Variants in SDK2 observed in about 807,000 individuals in gnomAD.
SDK2 encodes the protein protein sidekick-2.
In SDK2, 105 loss-of-function variants were observed where a neutral mutation model predicts 253.9. That is an observed-to-expected ratio of 0.41 (90% confidence interval 0.35 to 0.49). The LOEUF (loss-of-function observed/expected upper bound fraction) is 0.49. SDK2 is among the 20% of genes least tolerant of loss of function. The probability of loss-of-function intolerance (pLI) is 0.06; values close to 1 mark genes in which losing one functional copy is unlikely to be tolerated. For missense variants in SDK2, 2,608 were observed against 3,003.0 expected (o/e 0.87, Z 3.07); for synonymous variants, 1,249 against 1,234.9 (o/e 1.01, Z -0.24).
intron 6 of SDK2, among the ~76,000 whole-genome samples, 199 bp downstream of exon 6, chr17:73,440,613 T>A (rs2063407802): frequency 1.3e-5 from 2 of 152,082 alleles, no homozygotes; most frequent in Admixed American, 1.3e-4. Flanking sequence ...GGTTTTCTCT[T>A]CTTGGGCTAC....
At chr17:73,501,297 T>C (rs1025661886) in intron 2 of SDK2, among the ~76,000 whole-genome samples, 8 of 149,648 alleles carry the variant, frequency 5.3e-5, no homozygotes, top group African/African-American at 7.5e-5. Flanking sequence ...TACATTAGAC[T>C]CTGTATATCC....
Position 73,347,730 on chromosome 17 carries a change from G to A in SDK2, c.6165+869C>T, listed in dbSNP as rs74872965. Among the ~76,000 whole-genome samples the A allele has an allele frequency of 4.4e-3, 674 of 152,196 alleles. 9 individuals carry two copies. The highest frequency in any genetic ancestry group is 0.015 in the African/African-American group (636 of 41,510). ...ACCACTGGGCTTGGCTGAGGCAGAG[G>A]GTGAGGGTGGGAAGCTGTAAGGCTG... On this transcript the variant is annotated intron_variant, in intron 44 of 44. Transcript: ENST00000392650.
At chr17:73,533,892 T>C (rs923973031) in intron 1 of SDK2, among the ~76,000 whole-genome samples, 4 of 152,186 alleles carry the variant, frequency 2.6e-5, no homozygotes, top group African/African-American at 9.7e-5. Flanking sequence ...CTGTTGTGAT[T>C]GTTTACACTC....
At chr17:73,517,523 C>G (rs905770191) in intron 1 of SDK2, 2 of 152,214 alleles carry the variant, frequency 1.3e-5, no homozygotes, top group African/African-American at 4.8e-5. Flanking sequence ...CTGGGAGCCA[C>G]CAGGCAGGCC....
At chr17:73,462,614 G>T (rs1016618721) in intron 3 of SDK2, among the ~76,000 whole-genome samples, 4 of 152,108 alleles carry the variant, frequency 2.6e-5, no homozygotes, top group African/African-American at 9.7e-5. Context: ...ATATGTGCCT[G>T]TATGGTGGGA....
chr17:73,595,151 G>A (rs1338666330), intron 1 of SDK2, among the ~76,000 whole-genome samples: 1 of 152,208 alleles, frequency 6.6e-6, no homozygotes, highest in African/African-American at 2.4e-5. Flanking sequence ...AATAAGTGAA[G>A]CCATGAGCCA....
chr17:73,493,268 T>C (rs144719351), intron 2 of SDK2, among the ~76,000 whole-genome samples: 1 of 152,352 alleles, frequency 6.6e-6, no homozygotes, highest in Non-Finnish European at 1.5e-5. Context: ...ATGTTAAATT[T>C]CCTTGTGGTG....
At chr17:73,484,846 A>C (rs2063760153) in intron 2 of SDK2, among the ~76,000 whole-genome samples, 1 of 152,098 alleles carries the variant, frequency 6.6e-6, no homozygotes. Flanking sequence ...TAGAGATGGG[A>C]TCTCACTATG....
chr17:73,355,960 C>G (rs1041846991), intron 40 of SDK2, among the ~76,000 whole-genome samples: 2 of 152,200 alleles, frequency 1.3e-5, no homozygotes, highest in Non-Finnish European at 2.9e-5. Context: ...ACGGTGACAA[C>G]AGCTGGCACT....
chr17:73,419,904 CAT>C (rs2063215662), intron 15 of SDK2, among the ~76,000 whole-genome samples: 1 of 150,826 alleles, frequency 6.6e-6, no homozygotes, highest in South Asian at 2.1e-4. Context: ...AATTAATGTA[CAT>C]GTTTTTGGTG....
chr17:73,599,875 T>G (rs1394286531), intron 1 of SDK2, among the ~76,000 whole-genome samples: 2 of 152,186 alleles, frequency 1.3e-5, no homozygotes, highest in African/African-American at 4.8e-5. Context: ...GGGGGGTCCT[T>G]CAGTGAAGGT....
rs986805486 is a variant in SDK2, at chr17:73,617,396, G to A, written c.64+26629C>T. Reference sequence around the variant, plus strand: ...AGTCAATGCTTCTCTTTCTAGGATGGTTTGAATGCAGTTTTGCTCTAAGGC... The same window carrying A: ...AGTCAATGCTTCTCTTTCTAGGATGATTTGAATGCAGTTTTGCTCTAAGGC... On this transcript the variant is annotated intron_variant, in intron 1 of 44. Transcript: ENST00000392650. Among the ~76,000 whole-genome samples, 8 of 152,032 alleles carry A rather than the reference G, an allele frequency of 5.3e-5. 1 individual carries two copies. The highest frequency in any genetic ancestry group is 2.6e-4 in the Admixed American group (4 of 15,280).
Position 73,447,237 on chromosome 17 carries a change from A to C in SDK2, c.613+378T>G, listed in dbSNP as rs1276078059. On this transcript the variant is annotated intron_variant, in intron 5 of 44. Transcript: ENST00000392650. This position sits in a 1 kb window ranked among gnomAD's most constrained non-coding sequence, Gnocchi z 4.0. ...CTGTAAAAACAAGCTTCAGCCCTGC[A>C]ATCACCCACATGCCCTCCTGGTCAG... Among the ~76,000 whole-genome samples, 2 of 152,074 alleles carry C rather than the reference A, an allele frequency of 1.3e-5. No individual in the cohort carries two copies. Among genetic ancestry groups the C allele is most frequent in the South Asian group, 2.1e-4 (1 of 4,828 alleles).
At chr17:73,590,256 C>G (rs149228091) in intron 1 of SDK2, among the ~76,000 whole-genome samples, 3 of 152,232 alleles carry the variant, frequency 2.0e-5, no homozygotes, top group African/African-American at 7.2e-5. Context: ...GAATCTGTTA[C>G]TGTAATCCAG....
Position 73,361,541 on chromosome 17 carries a change from T to G in SDK2, c.5467+143A>C. 3 of 739,270 alleles carry G rather than the reference T, an allele frequency of 4.1e-6. No individual in the cohort carries two copies. Among genetic ancestry groups the G allele is most frequent in the South Asian group, 4.8e-5 (2 of 41,946 alleles). The allele number at this position is 739,270 out of a possible 1,614,324, so 45.8% of individuals were successfully genotyped here. ...CGGGAGGAGGGAGCGGGGGGAGGGG[T>G]CACTGGGCACCAGGGGAAAGAGTGA... On this transcript the variant is annotated intron_variant, in intron 39 of 44. Transcript: ENST00000392650. This position sits in a 1 kb window ranked among gnomAD's most constrained non-coding sequence, Gnocchi z 4.1.
In SDK2 at chr17:73,394,329, G is replaced by C; in HGVS notation, c.3593-5C>G. The C allele has an allele frequency of 1.3e-6, 2 of 1,560,860 alleles. No homozygotes were observed. The highest frequency in any genetic ancestry group is 2.3e-5 in the East Asian group (1 of 43,544). ...TGGTGGGGCCGGAAGAGGGAACTGTGGGGGAAAGGGAGTGGAGAGAAGGCA... is the reference window on the plus strand; with the variant it reads ...TGGTGGGGCCGGAAGAGGGAACTGTCGGGGAAAGGGAGTGGAGAGAAGGCA... On this transcript the variant is annotated splice_region_variant and splice_polypyrimidine_tract_variant and intron_variant, in intron 25 of 44. Transcript: ENST00000392650.
chr17:73,538,367 C>CTTTG (rs2044814003), intron 1 of SDK2, among the ~76,000 whole-genome samples: 6 of 152,170 alleles, frequency 3.9e-5, no homozygotes, highest in Non-Finnish European at 8.8e-5. Context: ...CCCTTACCAG[C>CTTTG]TTTCCCTGGC....
chr17:73,377,502 G>A (rs867288188), intron 36 of SDK2, among the ~76,000 whole-genome samples: 27 of 150,520 alleles, frequency 1.8e-4, no homozygotes, highest in Non-Finnish European at 3.3e-4. Context: ...TACATGTGTA[G>A]GCCACCACAC....
intron 3 of SDK2, among the ~76,000 whole-genome samples, chr17:73,458,744 G>C (rs1203541555): frequency 6.6e-6 from 1 of 152,160 alleles, no homozygotes; most frequent in Non-Finnish European, 1.5e-5. Flanking sequence ...AGTGGCTCAC[G>C]CCTGTAATCC....
Sources: gnomAD v4.1 joint callset for allele counts (sites outside exome capture counted in the v4.1 genomes callset) on GRCh38, gnomAD v4.1.1 for gene constraint, Gnocchi (gnomAD v3.1) non-coding constraint, MANE v1.5 for transcripts, NCBI Gene and HGNC (gene_info 2026-07-23, HGNC 2026-07-21) for gene names.